CNTN6: variants seen among roughly 807,000 people sequenced by gnomAD.
CNTN6 encodes contactin-6.
Under a neutral mutation model 122.8 loss-of-function variants are expected in CNTN6, and 137 were observed. That is an observed-to-expected ratio of 1.12 (90% confidence interval 0.97 to 1.29). The LOEUF (loss-of-function observed/expected upper bound fraction) is 1.29. Among genes scored for constraint, CNTN6 ranks in the 50% most tolerant of loss-of-function variants. The probability of loss-of-function intolerance (pLI) is 0.00; values close to 1 mark genes in which losing one functional copy is unlikely to be tolerated. For missense variants in CNTN6, 1,634 were observed against 1,223.4 expected (o/e 1.34, Z -5.01); for synonymous variants, 570 against 426.0 (o/e 1.34, Z -4.16).
At chr3:1,202,787 A>G (rs563954895) in intron 2 of CNTN6, among the ~76,000 whole-genome samples, 1 of 152,122 alleles carries the variant, frequency 6.6e-6, no homozygotes, top group African/African-American at 2.4e-5. Flanking sequence ...AAACAAAAAT[A>G]TTGAGTATGA....
chr3:1,179,852 G>A (rs1022297437), intron 2 of CNTN6, among the ~76,000 whole-genome samples: 1 of 152,132 alleles, frequency 6.6e-6, no homozygotes, highest in Admixed American at 6.6e-5. Flanking sequence ...TCTACAGTGA[G>A]AATCTACAAG....
intron 19 of CNTN6, among the ~76,000 whole-genome samples, chr3:1,384,219 G>A (rs981509947): frequency 1.3e-5 from 2 of 152,080 alleles, no homozygotes; most frequent in African/African-American, 4.8e-5. Flanking sequence ...CATATTAAGT[G>A]TTCTTACCAC....
chr3:1,148,606 A>C (rs1638475538), intron 2 of CNTN6, among the ~76,000 whole-genome samples: 1 of 152,182 alleles, frequency 6.6e-6, no homozygotes, highest in East Asian at 1.9e-4. Context: ...ATAGACAAGA[A>C]CATGTTCTTT....
chr3:1,322,280 T>C (rs1386078672), intron 8 of CNTN6, among the ~76,000 whole-genome samples: 4 of 151,616 alleles, frequency 2.6e-5, no homozygotes, highest in African/African-American at 9.7e-5. Context: ...TGTCTACTCA[T>C]AAGTAGGTAA....
intron 7 of CNTN6, among the ~76,000 whole-genome samples, chr3:1,304,715 C>T (rs905261944): frequency 1.3e-5 from 2 of 151,946 alleles, no homozygotes; most frequent in African/African-American, 2.4e-5. Flanking sequence ...AACCCTTGGC[C>T]GGGCGCAGTG....
chr3:1,384,812 C>CACACACACACAT (rs1338541100), intron 19 of CNTN6, among the ~76,000 whole-genome samples: 44 of 118,498 alleles, frequency 3.7e-4, no homozygotes, highest in African/African-American at 1.4e-3. Context: ...CACACACACA[C>CACACACACACAT]ATATATATAT....
At chr3:1,217,238 C>G (rs1278093783) in intron 2 of CNTN6, among the ~76,000 whole-genome samples, 1 of 152,124 alleles carries the variant, frequency 6.6e-6, no homozygotes, top group Non-Finnish European at 1.5e-5. Flanking sequence ...TGTAAAAGAT[C>G]TTCCAGCTTT....
At chr3:1,142,966 GTGTATATA>G (rs1180253655) in intron 1 of CNTN6, among the ~76,000 whole-genome samples, 375 of 96,598 alleles carry the variant, frequency 3.9e-3, no homozygotes, top group African/African-American at 0.015. Context: ...GTGTGTGTGT[GTGTATATA>G]TATATATATA....
intron 11 of CNTN6, among the ~76,000 whole-genome samples, chr3:1,334,667 A>G (rs1429289994): frequency 6.6e-6 from 1 of 152,082 alleles, no homozygotes; most frequent in Non-Finnish European, 1.5e-5. Flanking sequence ...GGTTGGATGG[A>G]TTCAGAGTTT....
At chr3:1,310,883 C>A (rs535790271) in intron 7 of CNTN6, among the ~76,000 whole-genome samples, 2 of 151,998 alleles carry the variant, frequency 1.3e-5, no homozygotes, top group Non-Finnish European at 2.9e-5. Flanking sequence ...CACCTGTAAT[C>A]CCAGCTACTC....
chr3:1,383,325 C>T lies in CNTN6; in HGVS notation c.2434C>T (p.Gln812Ter), dbSNP rs1016659655. 4 of 1,614,008 alleles carry T rather than the reference C, an allele frequency of 2.5e-6. No individual in the cohort carries two copies. Among genetic ancestry groups the T allele is most frequent in the Admixed American group, 1.7e-5 (1 of 60,026 alleles). The stretch of plus-strand genomic sequence containing the variant: ...ACTGGCCCCAAGGGGAACTTCTCTC[C>T]AGAGTTTTTCTGCTTCTGAAATGGA... Reference protein sequence around the residue: ...PQLAPRGTSLQSFSASEMEVS... With the variant: ...PQLAPRGTSL Residue 812 changes from glutamine (Q) to a stop codon, truncating the protein, a stop_gained, in exon 19 of 23, where the codon CAG becomes TAG. Coordinates refer to ENST00000446702, the MANE Select transcript of CNTN6 (RefSeq NM_001289080.2). LOFTEE classifies it high-confidence loss of function.
rs528667523 is a variant in CNTN6, at chr3:1,232,425, GAACA to G, written c.358+4433_358+4436del. Among the ~76,000 whole-genome samples, 3 of 152,216 alleles carry G rather than the reference GAACA, an allele frequency of 2.0e-5. No individual in the cohort carries two copies. The South Asian group carries it at 6.2e-4, about 32-fold the overall frequency. On this transcript the variant is annotated intron_variant, in intron 4 of 22. Transcript: ENST00000446702. ...GAAACAGCTACTTCCTGTCTCAACA[GAACA>G]GACAGGGGAAACCTTTAATAAAATT...
At chr3:1,379,511 C>T (rs1327646679) in intron 17 of CNTN6, among the ~76,000 whole-genome samples, 1 of 152,128 alleles carries the variant, frequency 6.6e-6, no homozygotes, top group Non-Finnish European at 1.5e-5. Flanking sequence ...ATACCCCAAA[C>T]CTCAGCATCA....
chr3:1,132,730 G>T (rs929895212), intron 1 of CNTN6, among the ~76,000 whole-genome samples: 1 of 151,746 alleles, frequency 6.6e-6, no homozygotes, highest in Non-Finnish European at 1.5e-5. Flanking sequence ...CTTGCTGGGG[G>T]TCACTTTACT....
intron 7 of CNTN6, among the ~76,000 whole-genome samples, chr3:1,317,177 CATTTG>C (rs1700204849): frequency 6.6e-6 from 1 of 151,820 alleles, no homozygotes; most frequent in African/African-American, 2.4e-5. Context: ...CCGCAAAATG[CATTTG>C]ATTAGACTTT....
In CNTN6 at chr3:1,327,501, GA is replaced by G. The variant is rs1379915799; in HGVS notation, c.1130del (p.Asn377MetfsTer18). ...ENGTLIITML[N>X]VSDSGVYQCA... ...ATGGGACACTCATCATAACGATGCT[GA>G]ATGTGTCAGATTCTGGTGTGTACCA... On this transcript the variant is annotated frameshift_variant, in exon 10 of 23. Transcript: ENST00000446702. LOFTEE classifies it high-confidence loss of function. 1 of 1,610,836 alleles carries G rather than the reference GA, an allele frequency of 6.2e-7. No individual in the cohort carries two copies. The highest frequency in any genetic ancestry group is 2.2e-5 in the East Asian group (1 of 44,698).
At chr3:1,218,851 G>GTTGTT (rs886816408) in intron 2 of CNTN6, among the ~76,000 whole-genome samples, 2 of 152,110 alleles carry the variant, frequency 1.3e-5, no homozygotes, top group South Asian at 2.1e-4. Flanking sequence ...AGGAAGCCAG[G>GTTGTT]TTGTTTTGTT....
intron 2 of CNTN6, among the ~76,000 whole-genome samples, chr3:1,200,259 C>T (rs1284183587): frequency 6.6e-6 from 1 of 152,170 alleles, no homozygotes; most frequent in Non-Finnish European, 1.5e-5. Context: ...GTCTCGAACT[C>T]CTTGCCTCAA....
intron 1 of CNTN6, among the ~76,000 whole-genome samples, chr3:1,124,305 C>T (rs768317465): frequency 1.3e-5 from 2 of 151,900 alleles, no homozygotes; most frequent in Non-Finnish European, 2.9e-5. Context: ...AACCCTGCTA[C>T]TATTCTTGGT....
Sources: allele counts gnomAD v4.1 joint callset (sites outside exome capture counted in the v4.1 genomes callset), GRCh38; gene constraint gnomAD v4.1.1; transcripts MANE v1.5; gene names NCBI Gene and HGNC (gene_info 2026-07-23, HGNC 2026-07-21).